GSE1: variants seen among roughly 807,000 people sequenced by gnomAD.
GSE1 encodes Gse1 coiled-coil protein.
In GSE1, 32 loss-of-function variants were observed where a neutral mutation model predicts 112.6. The ratio of observed to expected loss-of-function variants is 0.28; its 90% confidence interval spans 0.21 to 0.38. The LOEUF is 0.38. Ranked by LOEUF, GSE1 falls within the 10% of genes least tolerant of loss-of-function variation. The pLI, the probability that GSE1 is intolerant of heterozygous loss-of-function variation, is 1.00. For synonymous variants in GSE1, 1,115 were observed against 735.6 expected, an observed-to-expected ratio of 1.52 and a Z score of -8.35; for missense variants, 2,348 against 1,699.2, an observed-to-expected ratio of 1.38 and a Z score of -6.71.
At chr16:85,651,404 C>T (rs1193414293) in intron 3 of GSE1, among the ~76,000 whole-genome samples, 4 of 152,032 alleles carry the variant, frequency 2.6e-5, no homozygotes, top group Non-Finnish European at 5.9e-5. Context: ...CTGCTGGCTG[C>T]CCCCCAGCCC....
At chr16:85,412,772 A>G (rs2048606807) in intron 2 of GSE1, among the ~76,000 whole-genome samples, 1 of 152,230 alleles carries the variant, frequency 6.6e-6, no homozygotes, top group Non-Finnish European at 1.5e-5. Flanking sequence ...TCCCTCTGAT[A>G]ATCCTCGCTG....
intron 2 of GSE1, among the ~76,000 whole-genome samples, chr16:85,507,262 A>G (rs1290588448): frequency 6.6e-6 from 1 of 152,228 alleles, no homozygotes; most frequent in Non-Finnish European, 1.5e-5. Flanking sequence ...ATCCCTCTGC[A>G]GAGCTCCGTC....
intron 1 of GSE1, among the ~76,000 whole-genome samples, chr16:85,254,861 G>A (rs1230131926): frequency 1.3e-5 from 2 of 152,358 alleles, no homozygotes; most frequent in South Asian, 2.1e-4. Context: ...TGCAGCAGCC[G>A]AGGCTGGAGA....
intron 2 of GSE1, among the ~76,000 whole-genome samples, chr16:85,523,798 C>G (rs1244328954): frequency 6.6e-6 from 1 of 152,262 alleles, no homozygotes; most frequent in Non-Finnish European, 1.5e-5. Flanking sequence ...AGGAGAGGGG[C>G]TGGCCCTCAG....
At chr16:85,300,298 C>T (rs1183533854) in intron 1 of GSE1, among the ~76,000 whole-genome samples, 1 of 152,224 alleles carries the variant, frequency 6.6e-6, no homozygotes, top group Non-Finnish European at 1.5e-5. Context: ...AGGCGTGAGC[C>T]ACTGCGCCCA....
chr16:85,654,857 C>T lies in GSE1; in HGVS notation c.663C>T (p.Ser221=), dbSNP rs1251405973. ...CCGTGACCGAGGACTACCTGAGAAGCTTCCGGCCCTACCACACCACCGACG... is the reference window on the plus strand; with the variant it reads ...CCGTGACCGAGGACTACCTGAGAAGTTTCCGGCCCTACCACACCACCGACG... ...PSTVTEDYLR[S]FRPYHTTDDL... Residue 221 remains serine (S), a synonymous_variant, in exon 5 of 16, where the codon AGC becomes AGT. Transcript: ENST00000253458. 1.2e-6 allele frequency: 2 copies of T among 1,611,804 alleles called. No individual in the cohort carries two copies. The highest frequency in any genetic ancestry group is 1.7e-6 in the Non-Finnish European group (2 of 1,179,452).
chr16:85,277,392 C>G (rs777648842), intron 1 of GSE1, among the ~76,000 whole-genome samples: 9 of 152,170 alleles, frequency 5.9e-5, no homozygotes, highest in Non-Finnish European at 1.2e-4. Flanking sequence ...CCAGAACCCA[C>G]CCCTGAAAGG....
chr16:85,382,404 C>A (rs1029632550), intron 2 of GSE1, among the ~76,000 whole-genome samples: 1 of 152,236 alleles, frequency 6.6e-6, no homozygotes, highest in African/African-American at 2.4e-5. Flanking sequence ...ACGAGGGCTC[C>A]TCTGTTTCAG....
At chr16:85,527,233 C>T (rs983050070) in intron 2 of GSE1, among the ~76,000 whole-genome samples, 2 of 152,220 alleles carry the variant, frequency 1.3e-5, no homozygotes, top group African/African-American at 4.8e-5. Context: ...TCCGTGGGCG[C>T]GCAGGGGCTG....
intron 1 of GSE1, among the ~76,000 whole-genome samples, chr16:85,298,988 C>G (rs1187777891): frequency 6.6e-6 from 1 of 152,224 alleles, no homozygotes; most frequent in African/African-American, 2.4e-5. Context: ...GCCAGCCTGC[C>G]TGTCTGGAAT....
At chr16:85,206,682 C>T (rs1279944457) in intron 1 of GSE1, among the ~76,000 whole-genome samples, 4 of 152,054 alleles carry the variant, frequency 2.6e-5, no homozygotes, top group Admixed American at 1.3e-4. Flanking sequence ...GTCCCCTCCC[C>T]GGCTGGGCCC....
At chr16:85,656,827 G>A (rs528071709) in intron 7 of GSE1, among the ~76,000 whole-genome samples, 162 bp downstream of exon 7, 4 of 152,362 alleles carry the variant, frequency 2.6e-5, no homozygotes, top group East Asian at 1.9e-4. Flanking sequence ...GCAGAGGCAC[G>A]TTGGCACACG....
chr16:85,478,395 C>T (rs1395558660), intron 2 of GSE1, among the ~76,000 whole-genome samples: 9 of 151,840 alleles, frequency 5.9e-5, no homozygotes, highest in Admixed American at 3.9e-4. Flanking sequence ...GGTATGGTTG[C>T]GGGCACCTGT....
chr16:85,662,766 G>A (rs895679198), intron 9 of GSE1: 6 of 542,064 alleles, frequency 1.1e-5, no homozygotes, highest in African/African-American at 1.9e-5. Flanking sequence ...TGGGAGCCAT[G>A]GATCCCAGGG....
intron 2 of GSE1, among the ~76,000 whole-genome samples, chr16:85,429,816 C>T (rs2049077933): frequency 6.6e-6 from 1 of 152,226 alleles, no homozygotes; most frequent in Non-Finnish European, 1.5e-5. Flanking sequence ...CCTTCCATTC[C>T]TCGATTTTCC....
At chr16:85,402,226 G>A (rs2048131273) in intron 2 of GSE1, among the ~76,000 whole-genome samples, 1 of 152,184 alleles carries the variant, frequency 6.6e-6, no homozygotes. Context: ...AGATAAGCTG[G>A]TGGGTACTGA....
chr16:85,205,903 C>T (rs752373815), intron 1 of GSE1, among the ~76,000 whole-genome samples: 5 of 152,226 alleles, frequency 3.3e-5, no homozygotes, highest in Admixed American at 1.3e-4. Context: ...AGTGCCGTCA[C>T]GTGCCTGCAA....
intron 1 of GSE1, among the ~76,000 whole-genome samples, chr16:85,623,923 G>A (rs889040823): frequency 3.3e-5 from 5 of 152,156 alleles, no homozygotes; most frequent in African/African-American, 4.8e-5. Context: ...TAGACTAAGG[G>A]CCCTGTAGAT....
At chr16:85,579,638 G>C (rs2046368599) in intron 1 of GSE1, among the ~76,000 whole-genome samples, 2 of 152,198 alleles carry the variant, frequency 1.3e-5, no homozygotes, top group Admixed American at 1.3e-4. Flanking sequence ...TGAAGGGCTT[G>C]TGTTTTTGGT....
Sources: allele counts gnomAD v4.1 joint callset (sites outside exome capture counted in the v4.1 genomes callset), GRCh38; gene constraint gnomAD v4.1.1; transcripts MANE v1.5; gene names NCBI Gene and HGNC (gene_info 2026-07-23, HGNC 2026-07-21).